Variants in GRM7 observed in about 807,000 individuals in gnomAD.
GRM7 encodes the protein metabotropic glutamate receptor 7.
GRM7 carries 35 observed loss-of-function variants against 84.5 expected under a neutral mutation model. The observed-to-expected ratio is 0.41, with a 90% confidence interval of 0.32 to 0.55. GRM7 has a LOEUF of 0.55. GRM7 is among the 20% of genes least tolerant of loss of function. The probability of loss-of-function intolerance (pLI) is 0.19; values close to 1 mark genes in which losing one functional copy is unlikely to be tolerated. For missense variants in GRM7, 1,003 were observed against 1,194.6 expected (o/e 0.84, Z 2.36); for synonymous variants, 487 against 455.1 (o/e 1.07, Z -0.89).
chr3:7,695,051 A>C (rs1485609419), intron 9 of GRM7, among the ~76,000 whole-genome samples: 1 of 152,144 alleles, frequency 6.6e-6, no homozygotes. Flanking sequence ...AGTGTTTTTC[A>C]TGGTATTAAA....
chr3:6,983,526 A>G (rs1197801610), intron 1 of GRM7, among the ~76,000 whole-genome samples: 2 of 152,086 alleles, frequency 1.3e-5, no homozygotes, highest in Non-Finnish European at 2.9e-5. Flanking sequence ...TGGGTGAATT[A>G]TATGTTTACT....
Position 6,937,245 on chromosome 3 carries a change from T to C in GRM7, c.519+75338T>C, listed in dbSNP as rs117441825. ...TTGATTAAATGTTTTCCTTGTGTTTTACAATTGGGAATTCCACCTCATCAG... is the reference window on the plus strand; with the variant it reads ...TTGATTAAATGTTTTCCTTGTGTTTCACAATTGGGAATTCCACCTCATCAG... On this transcript the variant is annotated intron_variant, in intron 1 of 9. Transcript: ENST00000357716. Among the ~76,000 whole-genome samples, 5 of 152,356 alleles carry C rather than the reference T, an allele frequency of 3.3e-5. No homozygotes were observed. In the East Asian group the frequency reaches 9.6e-4, roughly 29 times the overall value.
chr3:7,705,935 C>T (rs1468350505), intron 9 of GRM7, among the ~76,000 whole-genome samples: 4 of 152,118 alleles, frequency 2.6e-5, no homozygotes, highest in Non-Finnish European at 4.4e-5. Context: ...CCACATGGAA[C>T]AATTCAGCTT....
chr3:7,210,258 T>C (rs542026798), intron 2 of GRM7, among the ~76,000 whole-genome samples: 1 of 152,330 alleles, frequency 6.6e-6, no homozygotes, highest in African/African-American at 2.4e-5. Context: ...CTTAAACAAA[T>C]GGAGGATTTA....
intron 5 of GRM7, among the ~76,000 whole-genome samples, chr3:7,425,026 C>T (rs565896135): frequency 2.1e-4 from 32 of 152,240 alleles, no homozygotes; most frequent in African/African-American, 7.5e-4. Flanking sequence ...TGCTGTTTCT[C>T]CTCTCATGCC....
rs189435370 is a variant in GRM7, at chr3:7,649,620, G to A, written c.2452-30429G>A. On this transcript the variant is annotated intron_variant, in intron 8 of 9. Transcript: ENST00000357716. Reference sequence around the variant, plus strand: ...CACACATACCCCCTTGCTAACTTGCGTGAGTTGACTATTTTTACACCATCA... The same window carrying A: ...CACACATACCCCCTTGCTAACTTGCATGAGTTGACTATTTTTACACCATCA... 9.8e-4 allele frequency among the ~76,000 whole-genome samples: 149 copies of A among 151,914 alleles called. 1 individual carries two copies. The highest frequency in any genetic ancestry group is 3.0e-3 in the African/African-American group (125 of 41,518).
chr3:7,204,345 C>G (rs565098679), intron 2 of GRM7, among the ~76,000 whole-genome samples: 13 of 152,198 alleles, frequency 8.5e-5, no homozygotes, highest in Non-Finnish European at 1.3e-4. Flanking sequence ...CTCTTAGGAG[C>G]AAGAGCATCT....
At chr3:7,164,091 G>A (rs1694720311) in intron 2 of GRM7, among the ~76,000 whole-genome samples, 2 of 152,168 alleles carry the variant, frequency 1.3e-5, no homozygotes, top group Admixed American at 1.3e-4. Context: ...ACATGCAGTG[G>A]CTCACACCTG....
chr3:7,149,276 T>C (rs1559470972), intron 2 of GRM7, among the ~76,000 whole-genome samples: 1 of 152,132 alleles, frequency 6.6e-6, no homozygotes, highest in Non-Finnish European at 1.5e-5. Context: ...TGAAATTCAT[T>C]CAGTGAGTTT....
intron 7 of GRM7, among the ~76,000 whole-genome samples, chr3:7,543,866 A>G (rs534510315): frequency 1.3e-5 from 2 of 152,348 alleles, no homozygotes; most frequent in East Asian, 3.9e-4. Context: ...GCACAGTTTC[A>G]TCCCCGGGCT....
At chr3:7,553,685 C>T (rs960261079) in intron 7 of GRM7, among the ~76,000 whole-genome samples, 2 of 152,076 alleles carry the variant, frequency 1.3e-5, no homozygotes, top group Non-Finnish European at 2.9e-5. Context: ...CCTATAAAAC[C>T]ATCAGATCTC....
chr3:7,292,226 G>A (rs557807036), intron 2 of GRM7, among the ~76,000 whole-genome samples: 3 of 152,240 alleles, frequency 2.0e-5, no homozygotes, highest in South Asian at 4.1e-4. Context: ...CCTCCATTAA[G>A]TATCCTTCCT....
intron 5 of GRM7, among the ~76,000 whole-genome samples, chr3:7,427,730 G>A (rs1422793333): frequency 1.3e-5 from 2 of 152,076 alleles, no homozygotes; most frequent in African/African-American, 4.8e-5. Context: ...AACCCCAATT[G>A]ATCTTTTTTA....
intron 4 of GRM7, among the ~76,000 whole-genome samples, chr3:7,408,903 A>G (rs539698388): frequency 6.6e-6 from 1 of 152,318 alleles, no homozygotes; most frequent in Admixed American, 6.5e-5. Flanking sequence ...CTAAGATTCA[A>G]CTTGATCATT....
In GRM7 at chr3:6,880,303, G is replaced by T. The variant is rs183902738; in HGVS notation, c.519+18396G>T. 4.7e-4 allele frequency among the ~76,000 whole-genome samples: 71 copies of T among 152,064 alleles called. 2 individuals are homozygous for T. Among genetic ancestry groups the T allele is most frequent in the Admixed American group, 4.5e-3 (69 of 15,264 alleles). ...TATCTGTAAATAGCCTCCTACAAAG[G>T]GTGCAATTACATAATTATACAACCC... On this transcript the variant is annotated intron_variant, in intron 1 of 9. Coordinates refer to ENST00000357716, the MANE Select transcript of GRM7 (RefSeq NM_000844.4).
At chr3:7,581,287 T>C (rs113822927) in intron 8 of GRM7, among the ~76,000 whole-genome samples, 14 of 152,264 alleles carry the variant, frequency 9.2e-5, no homozygotes, top group African/African-American at 3.1e-4. Flanking sequence ...AACAATGTAT[T>C]GGTAGAATTG....
intron 2 of GRM7, among the ~76,000 whole-genome samples, chr3:7,227,856 T>A (rs2124891027): frequency 6.6e-6 from 1 of 152,258 alleles, no homozygotes; most frequent in African/African-American, 2.4e-5. Flanking sequence ...GGCAACATAA[T>A]GGCTTAGATT....
intron 2 of GRM7, among the ~76,000 whole-genome samples, chr3:7,265,460 C>T (rs1210069214): frequency 6.6e-6 from 1 of 152,124 alleles, no homozygotes; most frequent in African/African-American, 2.4e-5. Context: ...ACTTTGTTTT[C>T]CTGTCATAGG....
chr3:7,461,945 C>G (rs777864621), intron 7 of GRM7, among the ~76,000 whole-genome samples: 1 of 151,990 alleles, frequency 6.6e-6, no homozygotes, highest in East Asian at 1.9e-4. Context: ...ATGACCTGTG[C>G]GAATTATCTC....
Sources: allele counts gnomAD v4.1 joint callset (sites outside exome capture counted in the v4.1 genomes callset), GRCh38; gene constraint gnomAD v4.1.1; transcripts MANE v1.5; gene names NCBI Gene and HGNC (gene_info 2026-07-23, HGNC 2026-07-21).